MAP3K13: variants seen among roughly 807,000 people sequenced by gnomAD.
MAP3K13 encodes mitogen-activated protein kinase kinase kinase 13.
A neutral mutation model predicts 104.0 loss-of-function variants in MAP3K13; 52 were observed. The observed-to-expected ratio is 0.50, with a 90% confidence interval of 0.40 to 0.63. The LOEUF (loss-of-function observed/expected upper bound fraction) is 0.63. Among genes scored for constraint, MAP3K13 ranks in the 20% least tolerant of loss-of-function variants. The pLI is 0.00. For missense variants in MAP3K13, 914 were observed against 1,218.5 expected, an observed-to-expected ratio of 0.75 and a Z score of 3.72; for synonymous variants, 394 against 442.2, an observed-to-expected ratio of 0.89 and a Z score of 1.37.
chr3:185,327,676 C>T (rs1028858288), intron 2 of MAP3K13, among the ~76,000 whole-genome samples: 3 of 152,166 alleles, frequency 2.0e-5, no homozygotes, highest in African/African-American at 4.8e-5. Flanking sequence ...CTTTGGGAGG[C>T]CAAGGCGGGC....
At chr3:185,319,690 G>A (rs1448426747) in intron 2 of MAP3K13, among the ~76,000 whole-genome samples, 2 of 152,214 alleles carry the variant, frequency 1.3e-5, no homozygotes, top group Admixed American at 6.5e-5. Context: ...TAAAGTGTTT[G>A]TATCAATTCA....
chr3:185,284,041 GGCACGC>G (rs1577391269), intron 1 of MAP3K13, among the ~76,000 whole-genome samples: 2 of 151,572 alleles, frequency 1.3e-5, no homozygotes, highest in East Asian at 3.9e-4. Context: ...TGGGATTACA[GGCACGC>G]GCCACCACCC....
intron 2 of MAP3K13, among the ~76,000 whole-genome samples, chr3:185,435,894 G>C (rs1715002316): frequency 6.6e-6 from 1 of 152,160 alleles, no homozygotes; most frequent in South Asian, 2.1e-4. Context: ...TTCAAGACCA[G>C]AGTATCTTTG....
chr3:185,474,676 G>GT (rs1718008299), intron 11 of MAP3K13, among the ~76,000 whole-genome samples: 1 of 152,184 alleles, frequency 6.6e-6, no homozygotes, highest in Admixed American at 6.5e-5. Flanking sequence ...GACCCAGATA[G>GT]TTCTTAATCA....
chr3:185,327,254 A>G (rs1722071302), intron 2 of MAP3K13, among the ~76,000 whole-genome samples: 2 of 152,128 alleles, frequency 1.3e-5, no homozygotes, highest in South Asian at 4.2e-4. Context: ...TGGGAGGGAA[A>G]AGTTCACTGC....
intron 2 of MAP3K13, among the ~76,000 whole-genome samples, chr3:185,336,490 C>T (rs1420949262): frequency 2.7e-5 from 4 of 148,264 alleles, no homozygotes; most frequent in African/African-American, 7.5e-5. Flanking sequence ...TGCAGTAAGC[C>T]GAGATGGCGC....
chr3:185,353,921 C>T (rs1338381290), intron 2 of MAP3K13, among the ~76,000 whole-genome samples: 1 of 152,080 alleles, frequency 6.6e-6, no homozygotes, highest in African/African-American at 2.4e-5. Flanking sequence ...ATGGTCATTC[C>T]ATCAAAGAGA....
chr3:185,478,072 A>C (rs1232887668), intron 12 of MAP3K13, among the ~76,000 whole-genome samples: 1 of 152,204 alleles, frequency 6.6e-6, no homozygotes, highest in Non-Finnish European at 1.5e-5. Context: ...GGAGGAAGGC[A>C]ATTCAGTCCA....
intron 2 of MAP3K13, among the ~76,000 whole-genome samples, chr3:185,288,534 T>TGTGTGTGTGTGTGTGTG (rs57631600): frequency 6.8e-6 from 1 of 148,050 alleles, no homozygotes; most frequent in Non-Finnish European, 1.5e-5. Context: ...GTGTGTGTGT[T>TGTGTGTGTGTGTGTGTG]TGTGTGTATA....
chr3:185,322,774 C>A (rs895293406), intron 2 of MAP3K13, among the ~76,000 whole-genome samples: 1 of 152,232 alleles, frequency 6.6e-6, no homozygotes, highest in Non-Finnish European at 1.5e-5. Flanking sequence ...TCACTCCCTT[C>A]ATCTCATTTC....
chr3:185,416,572 T>C (rs1342081982), intron 1 of MAP3K13, among the ~76,000 whole-genome samples: 1 of 152,122 alleles, frequency 6.6e-6, no homozygotes, highest in Non-Finnish European at 1.5e-5. Flanking sequence ...AATATTGCTC[T>C]CAATATGATG....
At chr3:185,399,890 T>C (rs1712690068) in intron 1 of MAP3K13, among the ~76,000 whole-genome samples, 2 of 151,948 alleles carry the variant, frequency 1.3e-5, no homozygotes, top group Non-Finnish European at 2.9e-5. Context: ...CCTCAATTAG[T>C]GGTAGCATTG....
chr3:185,389,923 T>C (rs908923473), intron 1 of MAP3K13, among the ~76,000 whole-genome samples: 7 of 152,280 alleles, frequency 4.6e-5, no homozygotes, highest in African/African-American at 1.4e-4. Context: ...GAGAGTGGTA[T>C]TGTGAAAAGA....
rs149896090 is a variant in MAP3K13, at chr3:185,296,138, G to A, written c.-86+10495G>A. Among the ~76,000 whole-genome samples, 17 of 152,316 alleles carry A rather than the reference G, an allele frequency of 1.1e-4. No individual in the cohort carries two copies. The South Asian group carries it at 1.4e-3, about 13-fold the overall frequency. On this transcript the variant is annotated intron_variant, in intron 2 of 14. Coordinates refer to the MAP3K13 transcript ENST00000424227. ...ACACACCTGTAGTCCCAGCTACTCA[G>A]GAGGCTGAGGTGGAAGGATTGCTGG...
chr3:185,412,670 A>G (rs1232035059), intron 1 of MAP3K13, among the ~76,000 whole-genome samples: 1 of 152,240 alleles, frequency 6.6e-6, no homozygotes, highest in African/African-American at 2.4e-5. Flanking sequence ...TTCTGTGAGC[A>G]AAAACAACAG....
At chr3:185,312,135 T>G (rs900446933) in intron 2 of MAP3K13, among the ~76,000 whole-genome samples, 1 of 152,216 alleles carries the variant, frequency 6.6e-6, no homozygotes, top group Non-Finnish European at 1.5e-5. Context: ...GAAGAGGAAC[T>G]CCTTCCTCTA....
rs544999747 is a variant in MAP3K13, at chr3:185,331,393, CCTTTTCTTTT to C, written c.-86+45761_-86+45770del. The stretch of plus-strand genomic sequence containing the variant: ...TACAGGCGTGAACCACTGCGCCTGG[CCTTTTCTTTT>C]CTTTTCTTTTTTTTTAAGTAGCCAC... On this transcript the variant is annotated intron_variant, in intron 2 of 14. Transcript: ENST00000424227. Among the ~76,000 whole-genome samples, 270 of 151,954 alleles carry C rather than the reference CCTTTTCTTTT, an allele frequency of 1.8e-3. 1 individual carries two copies. Among genetic ancestry groups the C allele is most frequent in the African/African-American group, 6.1e-3 (254 of 41,350 alleles).
chr3:185,338,497 A>G (rs973315685), intron 2 of MAP3K13, among the ~76,000 whole-genome samples: 2 of 152,352 alleles, frequency 1.3e-5, no homozygotes, highest in Non-Finnish European at 2.9e-5. Flanking sequence ...CTTAGAAGCC[A>G]TAAGTAGCAA....
intron 1 of MAP3K13, 23 bp from the exon 2 acceptor site, chr3:185,428,474 T>C: frequency 7.0e-7 from 1 of 1,427,994 alleles, no homozygotes; most frequent in Non-Finnish European, 9.3e-7. Flanking sequence ...GATGATCTCT[T>C]ATCTCCCTCC....
Sources: gnomAD v4.1 joint callset for allele counts (sites outside exome capture counted in the v4.1 genomes callset) on GRCh38, gnomAD v4.1.1 for gene constraint, MANE v1.5 for transcripts, NCBI Gene and HGNC (gene_info 2026-07-23, HGNC 2026-07-21) for gene names.